The following SLC38A12 variants were observed in gnomAD, a reference collection of about 807,000 sequenced individuals.
SLC38A12 encodes the protein solute carrier family 38 member 12, also known as putative sodium-coupled neutral amino acid transporter 12.
chr17:74,808,315 T>C, the SLC38A12 span, among the ~76,000 whole-genome samples: 7 of 152,252 alleles, frequency 4.6e-5, no homozygotes, highest in Non-Finnish European at 8.8e-5. Context: ...CTGGGTGCTC[T>C]AAAGAGGGAC....
chr17:74,825,905 AC>A, the SLC38A12 span, among the ~76,000 whole-genome samples: 15 of 152,312 alleles, frequency 9.8e-5, no homozygotes, highest in South Asian at 2.7e-3. Flanking sequence ...CTCCAGAGTT[AC>A]GTTCAGACCC....
the SLC38A12 span, among the ~76,000 whole-genome samples, chr17:74,817,163 C>T: frequency 6.6e-6 from 1 of 152,146 alleles, no homozygotes; most frequent in African/African-American, 2.4e-5. Flanking sequence ...ACACCTGTTC[C>T]TTAATTAGCC....
the SLC38A12 span, chr17:74,839,181 C>T: frequency 2.3e-5 from 35 of 1,494,310 alleles, no homozygotes; most frequent in Middle Eastern, 2.4e-4. Context: ...ATAGATGGGG[C>T]GGATGGCAGG....
chr17:74,795,015 G>A, the SLC38A12 span: 7 of 1,613,662 alleles, frequency 4.3e-6, no homozygotes, highest in Non-Finnish European at 5.9e-6. Flanking sequence ...CTTTCAGTGG[G>A]GGTCAACTTG....
At chr17:74,795,362 A>AG in the SLC38A12 span, among the ~76,000 whole-genome samples, 3 of 152,228 alleles carry the variant, frequency 2.0e-5, no homozygotes, top group African/African-American at 7.2e-5. Context: ...ATGGTGCTGC[A>AG]GGAACAAGGA....
chr17:74,819,326 G>T, the SLC38A12 span, among the ~76,000 whole-genome samples: 1 of 152,260 alleles, frequency 6.6e-6, no homozygotes, highest in Admixed American at 6.5e-5. Context: ...TTTCTTCGCA[G>T]TAAACTAAGA....
chr17:74,794,329 C>T, the SLC38A12 span, among the ~76,000 whole-genome samples: 3 of 152,306 alleles, frequency 2.0e-5, no homozygotes, highest in East Asian at 5.8e-4. Context: ...GGACAAACGT[C>T]ACCTCTGCAG....
At chr17:74,794,005 T>C in the SLC38A12 span, among the ~76,000 whole-genome samples, 3 of 152,174 alleles carry the variant, frequency 2.0e-5, no homozygotes, top group African/African-American at 7.2e-5. Flanking sequence ...CATTTTTCTT[T>C]ATGTTCTCAG....
the SLC38A12 span, among the ~76,000 whole-genome samples, chr17:74,824,372 T>C: frequency 6.6e-6 from 1 of 152,150 alleles, no homozygotes; most frequent in South Asian, 2.1e-4. Flanking sequence ...GCACAGAGGA[T>C]GTTCTTTGTG....
the SLC38A12 span, chr17:74,791,005 G>A: frequency 1.2e-6 from 2 of 1,614,080 alleles, no homozygotes; most frequent in Non-Finnish European, 1.7e-6. Flanking sequence ...GGGTGGAAAT[G>A]GGACAAATGG....
the SLC38A12 span, chr17:74,795,621 C>G: frequency 6.2e-7 from 1 of 1,613,324 alleles, no homozygotes; most frequent in Admixed American, 1.7e-5. Context: ...GGACGCCTAC[C>G]GCATCTACTT....
At chr17:74,811,407 A>G in the SLC38A12 span, among the ~76,000 whole-genome samples, 1 of 152,134 alleles carries the variant, frequency 6.6e-6, no homozygotes, top group South Asian at 2.1e-4. Context: ...GAAGTCAAAT[A>G]AGAATAGTAG....
the SLC38A12 span, among the ~76,000 whole-genome samples, chr17:74,810,916 C>G: frequency 6.6e-6 from 1 of 152,262 alleles, no homozygotes; most frequent in African/African-American, 2.4e-5. Context: ...CTCTCTTTCT[C>G]TGGCAGACGT....
At chr17:74,812,688 A>C in the SLC38A12 span, among the ~76,000 whole-genome samples, 1 of 151,280 alleles carries the variant, frequency 6.6e-6, no homozygotes, top group African/African-American at 2.4e-5. Context: ...CGCCCTCCTC[A>C]CTCCAAGCCC....
At chr17:74,783,186 T>C in the SLC38A12 span, among the ~76,000 whole-genome samples, 1 of 152,198 alleles carries the variant, frequency 6.6e-6, no homozygotes, top group Non-Finnish European at 1.5e-5. Context: ...GTGAAGACTC[T>C]CAGACTCACG....
At chr17:74,818,421 C>T in the SLC38A12 span, among the ~76,000 whole-genome samples, 1 of 152,182 alleles carries the variant, frequency 6.6e-6, no homozygotes, top group Non-Finnish European at 1.5e-5. Flanking sequence ...CCTTAAGCGG[C>T]ACTTCAGTCC....
chr17:74,839,325 G>A, the SLC38A12 span: 5 of 718,946 alleles, frequency 7.0e-6, no homozygotes, highest in African/African-American at 8.9e-5. Context: ...TCAGAGTGGT[G>A]GGGAGGACAG....
chr17:74,800,051 C>T, the SLC38A12 span, among the ~76,000 whole-genome samples: 101 of 152,348 alleles, frequency 6.6e-4, no homozygotes, highest in Middle Eastern at 3.4e-3. Flanking sequence ...GAGACGGGGG[C>T]TTCCTGGGAT....
chr17:74,811,473 C>G, the SLC38A12 span, among the ~76,000 whole-genome samples: 1 of 152,192 alleles, frequency 6.6e-6, no homozygotes, highest in Non-Finnish European at 1.5e-5. Flanking sequence ...GTAATTCCAG[C>G]ATTTTGGGAG....
Sources: gnomAD v4.1 joint callset for allele counts (sites outside exome capture counted in the v4.1 genomes callset) on GRCh38, gnomAD v4.1.1 for gene constraint, MANE v1.5 for transcripts, NCBI Gene and HGNC (gene_info 2026-07-23, HGNC 2026-07-21) for gene names.